SPTA1: variants seen among roughly 807,000 people sequenced by gnomAD.
SPTA1 encodes spectrin alpha chain, erythrocytic 1.
A neutral mutation model predicts 324.7 loss-of-function variants in SPTA1; 177 were observed. That is an observed-to-expected ratio of 0.55 (90% CI 0.48 to 0.62). SPTA1 has a LOEUF of 0.62. Among genes scored for constraint, SPTA1 ranks in the 20% least tolerant of loss-of-function variants. The pLI is 0.00. For synonymous variants in SPTA1, 1,195 were observed against 1,041.3 expected (o/e 1.15, Z -2.84); for missense variants, 3,162 against 2,883.6 (o/e 1.10, Z -2.21).
intron 37 of SPTA1, 116 bp from the exon 38 acceptor site, chr1:158,636,150 G>C (rs565088888): frequency 1.9e-6 from 3 of 1,566,260 alleles, no homozygotes; most frequent in Admixed American, 3.4e-5. Flanking sequence ...TAAACTCCAC[G>C]GGACTTTGTG....
At chr1:158,624,121 AGG>A (rs55861702) in intron 42 of SPTA1, among the ~76,000 whole-genome samples, 91,208 of 151,856 alleles carry the variant, frequency 0.6, 27,614 homozygotes, top group Middle Eastern at 0.69. Context: ...TACATACTGC[AGG>A]GGTAGAAGTC....
intron 5 of SPTA1, among the ~76,000 whole-genome samples, chr1:158,680,360 A>G (rs1654717305): frequency 6.6e-6 from 1 of 152,124 alleles, no homozygotes; most frequent in Admixed American, 6.6e-5. Flanking sequence ...AAACACACAA[A>G]AACACACTCT....
rs567984472 is a variant in SPTA1 at position 158,648,553 on chromosome 1, G to T, written c.3670C>A (p.Arg1224=). 6.2e-7 allele frequency: 1 copy of T among 1,613,974 alleles called. No homozygotes were observed. The highest frequency in any genetic ancestry group is 8.5e-7 in the Non-Finnish European group (1 of 1,179,970). ...DLFSVQALQR[R]HEGFERDLVP... is the part of the protein sequence containing the mutation. ...AGGTCCCTTTCAAAGCCCTCATGCC[G>T]TCGCTGAAGAGCCTGAACACTGAAC... Residue 1224 remains arginine (R), a synonymous_variant, in exon 26 of 52, where the codon CGG becomes AGG. Transcript: ENST00000643759.
chr1:158,648,265 A>G (rs946876129), intron 26 of SPTA1, among the ~76,000 whole-genome samples: 9 of 152,298 alleles, frequency 5.9e-5, no homozygotes, highest in East Asian at 5.8e-4. Context: ...CAAAGAGGCA[A>G]GGGGATATAG....
chr1:158,667,385 A>G (rs907845319), intron 15 of SPTA1, among the ~76,000 whole-genome samples: 56 of 152,338 alleles, frequency 3.7e-4, no homozygotes, highest in African/African-American at 1.3e-3. Context: ...ACACTTTCAA[A>G]TAGGTTTAAA....
chr1:158,622,056 G>A (rs552795752), intron 43 of SPTA1, among the ~76,000 whole-genome samples: 1 of 152,124 alleles, frequency 6.6e-6, no homozygotes, highest in South Asian at 2.1e-4. Flanking sequence ...AGTAGAGACG[G>A]TGTTTCACCG....
chr1:158,662,458 G>A (rs1653290172), intron 17 of SPTA1, among the ~76,000 whole-genome samples: 1 of 152,178 alleles, frequency 6.6e-6, no homozygotes, highest in African/African-American at 2.4e-5. Context: ...ACAAAATGCT[G>A]AGCACTCTAC....
rs1451484446 is a variant in SPTA1 at position 158,645,481 on chromosome 1, T to C, written c.3996+14A>G. The C allele has an allele frequency of 2.5e-6, 4 of 1,613,984 alleles. No homozygotes were observed. Among genetic ancestry groups the C allele is most frequent in the East Asian group, 4.5e-5 (2 of 44,868 alleles). On this transcript the variant is annotated intron_variant, in intron 28 of 51. Coordinates refer to ENST00000643759, the MANE Select transcript of SPTA1 (RefSeq NM_003126.4). ...AGGTCAAGTGATCAGTGGCTGTGAC[T>C]TTTGTAGTTTTACCTGATGTCTCTC...
Position 158,627,221 on chromosome 1 carries a change from A to G in SPTA1, c.5665-214T>C, listed in dbSNP as rs1231562812. On this transcript the variant is annotated intron_variant, in intron 40 of 51. Transcript: ENST00000643759. Reference sequence around the variant, plus strand: ...TCAATGAGGATTTATTAAAAACTACATTTAAAAAAAGGAATGATTCTCAAA... The same window carrying G: ...TCAATGAGGATTTATTAAAAACTACGTTTAAAAAAAGGAATGATTCTCAAA... Among the ~76,000 whole-genome samples, 3 of 152,190 alleles carry G rather than the reference A, an allele frequency of 2.0e-5. No individual in the cohort carries two copies. The East Asian group carries it at 5.8e-4, about 29-fold the overall frequency.
chr1:158,627,516 T>G, intron 40 of SPTA1, 109 bp downstream of exon 40: 1 of 1,061,880 alleles, frequency 9.4e-7, no homozygotes. Context: ...GTTAAAGTTC[T>G]GCATATGATC....
At position 158,638,254 on chromosome 1, in the gene SPTA1, G is replaced by T; in HGVS notation, c.4981-13C>A. 6.2e-7 allele frequency: 1 copy of T among 1,608,034 alleles called. No homozygotes were observed. On this transcript the variant is annotated splice_polypyrimidine_tract_variant and intron_variant, in intron 35 of 51. Coordinates refer to ENST00000643759, the MANE Select transcript of SPTA1 (RefSeq NM_003126.4). ...CCTTGAGTGCATCCTAGAAAGTCTC[G>T]GGATACTCAGTGAATAGTATAGTAT...
intron 6 of SPTA1, among the ~76,000 whole-genome samples, chr1:158,678,151 G>A (rs555453322): frequency 5.3e-5 from 8 of 152,034 alleles, no homozygotes; most frequent in South Asian, 2.1e-4. Context: ...CGTCTGCAGC[G>A]CTTCCATTCC....
At chr1:158,614,518 A>G (rs1201486309) in intron 48 of SPTA1, 3 of 501,668 alleles carry the variant, frequency 6.0e-6, no homozygotes, top group Non-Finnish European at 1.1e-5. Context: ...TTACATTTTC[A>G]TATGGTTGAA....
chr1:158,675,534 GA>G (rs994099378), intron 8 of SPTA1, among the ~76,000 whole-genome samples: 3 of 152,128 alleles, frequency 2.0e-5, no homozygotes, highest in African/African-American at 7.2e-5. Flanking sequence ...GCAGGTGCCA[GA>G]AACTGCAGAT....
At chr1:158,667,769 G>A in intron 15 of SPTA1, 89 bp downstream of exon 15, 1 of 1,401,966 alleles carries the variant, frequency 7.1e-7, no homozygotes, top group South Asian at 1.2e-5. Context: ...TCTCATAGAG[G>A]CCACCAGATA....
chr1:158,661,257 T>C, intron 18 of SPTA1, 30 bp downstream of exon 18: 1 of 1,613,714 alleles, frequency 6.2e-7, no homozygotes. Context: ...CTGGTGATGT[T>C]TTGTCCAACT....
rs751405854 is a variant in SPTA1, at chr1:158,674,357, T to G, written c.1322A>C (p.His441Pro). Residue 441 changes from histidine (H) to proline (P), a missense_variant, in exon 10 of 52, where the codon CAT becomes CCT. By Grantham distance (77) the His-to-Pro change is moderately conservative. Transcript: ENST00000643759. ...TTCCCGAACTTCATCAGAGGCTTCATGATTGGCATTCACGAGGTCTTGACC... is the reference window on the plus strand; with the variant it reads ...TTCCCGAACTTCATCAGAGGCTTCAGGATTGGCATTCACGAGGTCTTGACC... ...ETGQDLVNAN[H>P]EASDEVREKM... 7.4e-6 allele frequency: 12 copies of G among 1,614,124 alleles called. No individual in the cohort carries two copies.
intron 39 of SPTA1, 84 bp from the exon 40 acceptor site, chr1:158,627,807 T>C (rs913091814): frequency 7.6e-7 from 1 of 1,315,138 alleles, no homozygotes; most frequent in Non-Finnish European, 1.1e-6. Context: ...GGGTCTATTA[T>C]TCCCTAGGGT....
chr1:158,662,697 C>T lies in SPTA1; in HGVS notation c.2464+5G>A. ...AGTGGCTCAGCCTGCTCAGGCTGTACTAACCAAGGTAGGTGGAAGTAGCTG... is the reference window on the plus strand; with the variant it reads ...AGTGGCTCAGCCTGCTCAGGCTGTATTAACCAAGGTAGGTGGAAGTAGCTG... On this transcript the variant is annotated splice_donor_5th_base_variant and intron_variant, in intron 17 of 51. Coordinates refer to ENST00000643759, the MANE Select transcript of SPTA1 (RefSeq NM_003126.4). 6.2e-7 allele frequency: 1 copy of T among 1,613,612 alleles called. No homozygotes were observed. Among genetic ancestry groups the T allele is most frequent in the East Asian group, 2.2e-5 (1 of 44,880 alleles).
Sources: allele counts gnomAD v4.1 joint callset (sites outside exome capture counted in the v4.1 genomes callset), GRCh38; gene constraint gnomAD v4.1.1; transcripts MANE v1.5; gene names NCBI Gene and HGNC (gene_info 2026-07-23, HGNC 2026-07-21).